ABCA4: variants seen among roughly 807,000 people sequenced by gnomAD.
ABCA4 encodes retinal-specific phospholipid-transporting ATPase ABCA4.
Under a neutral mutation model 263.7 loss-of-function variants are expected in ABCA4, and 196 were observed. The observed-to-expected ratio is 0.74, with a 90% CI of 0.66 to 0.84. The LOEUF (loss-of-function observed/expected upper bound fraction) is 0.84, where lower values mean the gene tolerates loss of function less well. Among genes scored for constraint, ABCA4 ranks in the 40% least tolerant of loss-of-function variants. ABCA4 has a pLI of 0.00. For missense variants in ABCA4, 2,792 were observed against 2,855.1 expected, an observed-to-expected ratio of 0.98 and a Z score of 0.50; for synonymous variants, 1,133 against 1,094.2, an observed-to-expected ratio of 1.04 and a Z score of -0.70.
intron 6 of ABCA4, among the ~76,000 whole-genome samples, chr1:94,097,746 T>G (rs914563030): frequency 6.6e-6 from 1 of 152,082 alleles, no homozygotes; most frequent in African/African-American, 2.4e-5. Flanking sequence ...TTTTTTGGTT[T>G]GTTTGTTTGT....
At chr1:94,021,773 T>G in intron 33 of ABCA4, 59 bp from the exon 34 acceptor site, 1 of 1,604,908 alleles carries the variant, frequency 6.2e-7, no homozygotes. Context: ...CTGTTATCAC[T>G]CATGAGAGTT....
chr1:94,041,484 C>A, intron 22 of ABCA4, 82 bp from the exon 23 acceptor site: 1 of 1,481,386 alleles, frequency 6.8e-7, no homozygotes, highest in Non-Finnish European at 9.3e-7. Context: ...AATTTCCTGG[C>A]TATATAGTTG....
intron 35 of ABCA4, among the ~76,000 whole-genome samples, chr1:94,020,547 G>A (rs536714747): frequency 1.8e-4 from 27 of 152,316 alleles, no homozygotes; most frequent in African/African-American, 6.3e-4. Flanking sequence ...AATTAACAGA[G>A]GACAGTCTAG....
At chr1:94,092,217 G>T (rs753886302) in intron 6 of ABCA4, among the ~76,000 whole-genome samples, 2 of 152,190 alleles carry the variant, frequency 1.3e-5, no homozygotes, top group Non-Finnish European at 2.9e-5. Flanking sequence ...GCCTCTGCAG[G>T]CTATGGAAGG....
intron 4 of ABCA4, among the ~76,000 whole-genome samples, chr1:94,107,391 T>C (rs982195812): frequency 6.6e-6 from 1 of 152,208 alleles, no homozygotes; most frequent in African/African-American, 2.4e-5. Flanking sequence ...GACCACTCTT[T>C]TCCTCTGCTC....
At chr1:94,014,437 C>T (rs375217676) in intron 38 of ABCA4, 106 bp downstream of exon 38, 107 of 1,318,830 alleles carry the variant, frequency 8.1e-5, no homozygotes, top group South Asian at 1.8e-4. Context: ...GGCACTCATC[C>T]GCATACAGCT....
At chr1:94,079,993 C>CAA (rs4147885) in intron 8 of ABCA4, among the ~76,000 whole-genome samples, 43 of 148,370 alleles carry the variant, frequency 2.9e-4, no homozygotes, top group Non-Finnish European at 4.0e-4. Flanking sequence ...CATAGAAGAC[C>CAA]AAAAAAAAAA....
intron 21 of ABCA4, 110 bp from the exon 22 acceptor site, chr1:94,043,008 G>T: frequency 6.1e-6 from 9 of 1,473,938 alleles, no homozygotes; most frequent in Non-Finnish European, 8.5e-6. Flanking sequence ...GTGGTTTGGT[G>T]CTGCCTCTTA....
chr1:94,015,274 T>C (rs1258715144), intron 37 of ABCA4, among the ~76,000 whole-genome samples: 1 of 152,186 alleles, frequency 6.6e-6, no homozygotes, highest in African/African-American at 2.4e-5. Context: ...GCCCTGTAAC[T>C]CTGCTGATGT....
chr1:94,000,900 G>C lies in ABCA4; in HGVS notation c.6415C>G (p.Arg2139Gly). The change falls in exon 47 of 50, where the codon CGG becomes GGG. Residue 2139 changes from arginine (R) to glycine (G), a missense_variant. Transcript: ENST00000370225. ...SMEECEALCT[R>G]LAIMVKGAFR... Reference sequence around the variant, plus strand: ...GCGCCCTTTACCATGATGGCCAGCCGGGTACACAGTGCCTCACATTCTTCC... The same window carrying C: ...GCGCCCTTTACCATGATGGCCAGCCCGGTACACAGTGCCTCACATTCTTCC... 1 of 1,614,186 alleles carries C rather than the reference G, an allele frequency of 6.2e-7. No individual in the cohort carries two copies. The highest frequency in any genetic ancestry group is 8.5e-7 in the Non-Finnish European group (1 of 1,180,030).
chr1:94,080,594 T>A lies in ABCA4; in HGVS notation c.983A>T (p.Glu328Val), dbSNP rs61751419. Residue 328 changes from glutamate to valine, a missense_variant, in exon 8 of 50, where the codon GAG (glutamate) becomes GTG (valine). Physicochemically the swap from Glu to Val is moderately radical, Grantham distance 121. Coordinates refer to ENST00000370225, the MANE Select transcript of ABCA4 (RefSeq NM_000350.3). The stretch of plus-strand genomic sequence containing the variant: ...GGAGAGCACCCGAGAGCCACCTCCC[T>A]CGGGGTAGCCACACAGGAGGTCAGA... ...ILSDLLCGYP[E>V]GGGSRVLSFN... 2 of 1,614,138 alleles carry A rather than the reference T, an allele frequency of 1.2e-6. No homozygotes were observed. The highest frequency in any genetic ancestry group is 4.5e-5 in the East Asian group (2 of 44,866).
chr1:93,996,715 C>A (rs748985783), intron 48 of ABCA4, among the ~76,000 whole-genome samples: 3 of 152,000 alleles, frequency 2.0e-5, no homozygotes, highest in Non-Finnish European at 2.9e-5. Context: ...AACACAAAAC[C>A]CAGAAACAAC....
At position 94,062,591 on chromosome 1, in the gene ABCA4, G is replaced by C. The variant is rs1421487671; in HGVS notation, c.1923C>G (p.Cys641Trp). 6.2e-7 allele frequency: 1 copy of C among 1,612,492 alleles called. No individual in the cohort carries two copies. Among genetic ancestry groups the C allele is most frequent in the African/African-American group, 1.3e-5 (1 of 74,826 alleles). ...GIYLQQMPYP[C>W]FVDDSFMIIL... ...TTCAGACTCACGAATCGTCCACGAAGCAGGGGTAGGGCATCTGCTGGAGGT... is the reference window on the plus strand; with the variant it reads ...TTCAGACTCACGAATCGTCCACGAACCAGGGGTAGGGCATCTGCTGGAGGT... Residue 641 changes from cysteine to tryptophan, a missense_variant, in exon 13 of 50, where the codon TGC (cysteine) becomes TGG (tryptophan). By Grantham distance (215) the Cys-to-Trp change is radical. Transcript: ENST00000370225.
Position 94,023,409 on chromosome 1 carries a change from G to A in ABCA4, c.4644C>T (p.Ser1548=). The A allele has an allele frequency of 6.2e-7, 1 of 1,608,996 alleles. No individual in the cohort carries two copies. Among genetic ancestry groups the A allele is most frequent in the Non-Finnish European group, 8.5e-7 (1 of 1,175,538 alleles). ...ACCTCTGTTCATTGACCCAGAATTT[G>A]CTCTTTAAGCTGAAAGCCAAAATAA... The part of the protein sequence containing the change: ...YPALIRSSLK[S]KFWVNEQRYG... Residue 1548 remains serine, a synonymous_variant, in exon 32 of 50, where the codon AGC becomes AGT. Coordinates refer to ENST00000370225, the MANE Select transcript of ABCA4 (RefSeq NM_000350.3).
Position 94,014,591 on chromosome 1 carries a change from G to C in ABCA4, c.5412C>G (p.Ile1804Met). 1 of 1,614,204 alleles carries C rather than the reference G, an allele frequency of 6.2e-7. No homozygotes were observed. Among genetic ancestry groups the C allele is most frequent in the Non-Finnish European group, 8.5e-7 (1 of 1,180,026 alleles). The change falls in exon 38 of 50, where the codon ATC becomes ATG. Residue 1804 changes from isoleucine (I) to methionine (M), a missense_variant. By Grantham distance (10) the Ile-to-Met change is conservative. Coordinates refer to ENST00000370225, the MANE Select transcript of ABCA4 (RefSeq NM_000350.3). ...AGATGAAGGTAATAGCACTGCTGTT[G>C]ATGCCGATGAACAGATTAGCACAAG... is the stretch of plus-strand genomic sequence containing the variant. ...ALSCANLFIG[I>M]NSSAITFILE... is the part of the protein sequence containing the mutation.
rs766082225 is a variant in ABCA4 at position 94,001,200 on chromosome 1, T to C, written c.6283-95A>G. ...GCTGGCTCCCCTGTGGAGGATGAGC[T>C]GACAGAAGGCGCACACAGTCACTCC... On this transcript the variant is annotated intron_variant, in intron 45 of 49. Transcript: ENST00000370225. The C allele has an allele frequency of 4.1e-6, 4 of 985,206 alleles. No individual in the cohort carries two copies. The African/African-American group carries it at 4.8e-5, about 12-fold the overall frequency. 61.0% of individuals were successfully genotyped at this position (985,206 alleles called of 1,614,324 possible).
rs1659717418 is a variant in ABCA4 at position 94,015,751 on chromosome 1, A to G, written c.5300T>C (p.Leu1767Pro). The change falls in exon 37 of 50, where the codon CTC becomes CCC. Residue 1767 changes from leucine to proline, a missense_variant. Physicochemically the swap from Leu to Pro is moderately conservative, Grantham distance 98. Transcript: ENST00000370225. ...PENLPALVAL[L>P]LLYGWAVIPM... ...CCAAACGGCTTACCCATACAGCAGG[A>G]GCAGTGCCACAAGGGCAGGAAGGTT... The G allele has an allele frequency of 6.2e-7, 1 of 1,613,586 alleles. No homozygotes were observed. The highest frequency in any genetic ancestry group is 8.5e-7 in the Non-Finnish European group (1 of 1,179,848).
intron 27 of ABCA4, 102 bp downstream of exon 27, chr1:94,031,676 C>T: frequency 6.7e-7 from 1 of 1,489,186 alleles, no homozygotes; most frequent in Non-Finnish European, 9.2e-7. Flanking sequence ...GAGGGTGCTC[C>T]TTGCTGAGTT....
Position 94,105,383 on chromosome 1 carries a change from C to T in ABCA4, c.443-2241G>A, listed in dbSNP as rs192514453. Among the ~76,000 whole-genome samples the T allele has an allele frequency of 2.4e-3, 369 of 152,222 alleles. 4 individuals carry two copies. The highest frequency in any genetic ancestry group is 0.022 in the Admixed American group (331 of 15,306). ...AGTGATGTTGCCCAGGCTTGGCACA[C>T]AAGACCACCCAGGAGACAGGGCTGC... is the stretch of plus-strand genomic sequence containing the variant. On this transcript the variant is annotated intron_variant, in intron 4 of 49. Coordinates refer to ENST00000370225, the MANE Select transcript of ABCA4 (RefSeq NM_000350.3).
Sources: gnomAD v4.1 joint callset for allele counts (sites outside exome capture counted in the v4.1 genomes callset) on GRCh38, gnomAD v4.1.1 for gene constraint, MANE v1.5 for transcripts, NCBI Gene and HGNC (gene_info 2026-07-23, HGNC 2026-07-21) for gene names.